The following GNB4 variants were observed in gnomAD, a reference collection of about 807,000 sequenced individuals.
GNB4 encodes guanine nucleotide-binding protein subunit beta-4.
In GNB4, 28 loss-of-function variants were observed where a neutral mutation model predicts 45.2. That is an observed-to-expected ratio of 0.62 (90% CI 0.46 to 0.85). The LOEUF is 0.85. GNB4 is among the 40% of genes least tolerant of loss of function. GNB4 has a pLI of 0.00. For synonymous variants in GNB4, 132 were observed against 143.7 expected, an observed-to-expected ratio of 0.92 and a Z score of 0.58; for missense variants, 321 against 425.4, an observed-to-expected ratio of 0.75 and a Z score of 2.16.
the GNB4 span, among the ~76,000 whole-genome samples, chr3:179,513,448 T>C: frequency 2.6e-5 from 4 of 152,174 alleles, no homozygotes; most frequent in Non-Finnish European, 4.4e-5. Flanking sequence ...CTTCCCAGAA[T>C]GTTGGGATTA....
chr3:179,432,521 C>T (rs368974073), intron 1 of GNB4, among the ~76,000 whole-genome samples: 6 of 152,168 alleles, frequency 3.9e-5, no homozygotes, highest in African/African-American at 1.2e-4. Flanking sequence ...TAAAGGCTGA[C>T]TAGGGTAAAA....
the GNB4 span, among the ~76,000 whole-genome samples, chr3:179,521,997 C>T: frequency 6.6e-6 from 1 of 152,100 alleles, no homozygotes; most frequent in Non-Finnish European, 1.5e-5. Flanking sequence ...ATTCTCTCTC[C>T]ATACCACCCC....
chr3:179,489,043 TATA>T, the GNB4 span, among the ~76,000 whole-genome samples: 3,986 of 81,296 alleles, frequency 0.049, 392 homozygotes, highest in East Asian at 0.14. Flanking sequence ...TATATATATA[TATA>T]ATATATATGT....
intron 1 of GNB4, among the ~76,000 whole-genome samples, chr3:179,445,200 T>A (rs975702350): frequency 1.3e-5 from 2 of 152,190 alleles, no homozygotes; most frequent in Non-Finnish European, 2.9e-5. Context: ...TTCATTAATT[T>A]CTCCACAGCT....
the GNB4 span, among the ~76,000 whole-genome samples, chr3:179,462,959 AAGAC>A: frequency 6.6e-6 from 1 of 152,260 alleles, no homozygotes; most frequent in Non-Finnish European, 1.5e-5. Context: ...AAAAGCAACA[AAGAC>A]AGAAGGGAGT....
At chr3:179,498,749 G>GTTTTT in the GNB4 span, among the ~76,000 whole-genome samples, 351 of 130,714 alleles carry the variant, frequency 2.7e-3, 8 homozygotes, top group East Asian at 0.026. Context: ...TTGAGGTTTG[G>GTTTTT]TTTTTTTTTT....
the GNB4 span, among the ~76,000 whole-genome samples, chr3:179,520,448 C>T: frequency 6.6e-6 from 1 of 152,104 alleles, no homozygotes; most frequent in African/African-American, 2.4e-5. Context: ...TGCCCTATAG[C>T]TTTTTTATCC....
At chr3:179,519,629 T>C in the GNB4 span, among the ~76,000 whole-genome samples, 77 of 152,276 alleles carry the variant, frequency 5.1e-4, no homozygotes, top group East Asian at 7.7e-4. Context: ...GGCCGAGACA[T>C]TTTAACTAAA....
intron 5 of GNB4, 151 bp from the exon 6 acceptor site, chr3:179,415,198 C>T (rs767064122): frequency 1.8e-6 from 1 of 543,338 alleles, no homozygotes; most frequent in South Asian, 7.3e-5. Flanking sequence ...GAAAGTGAAC[C>T]ATGAAAAATA....
At chr3:179,506,768 T>C in the GNB4 span, among the ~76,000 whole-genome samples, 2 of 152,160 alleles carry the variant, frequency 1.3e-5, no homozygotes, top group African/African-American at 4.8e-5. Context: ...TTAATACTCA[T>C]TCCTTTGTTA....
chr3:179,505,855 G>A, the GNB4 span, among the ~76,000 whole-genome samples: 1 of 152,212 alleles, frequency 6.6e-6, no homozygotes, highest in Non-Finnish European at 1.5e-5. Flanking sequence ...AGCACATGAA[G>A]CTGATCCACA....
intron 2 of GNB4, among the ~76,000 whole-genome samples, chr3:179,425,891 A>G (rs752782444): frequency 1.1e-4 from 16 of 152,262 alleles, no homozygotes; most frequent in Non-Finnish European, 4.4e-5. Flanking sequence ...GCATGTAAAT[A>G]AAAAGAGAAT....
At chr3:179,482,584 A>G in the GNB4 span, among the ~76,000 whole-genome samples, 1,352 of 152,288 alleles carry the variant, frequency 8.9e-3, 33 homozygotes, top group African/African-American at 0.031. Context: ...TAATGCCTTG[A>G]GACATTGAGG....
chr3:179,453,766 G>A (rs116209531), upstream of GNB4, among the ~76,000 whole-genome samples: 1,800 of 151,840 alleles, frequency 0.012, 24 homozygotes, highest in African/African-American at 0.042. Context: ...TACAGAAAAA[G>A]GAAAGTTTAA....
the GNB4 span, among the ~76,000 whole-genome samples, chr3:179,484,800 C>G: frequency 6.7e-6 from 1 of 150,264 alleles, no homozygotes; most frequent in Non-Finnish European, 1.5e-5. Context: ...AATCAATCAA[C>G]TATATCAACT....
chr3:179,484,464 C>T, the GNB4 span, among the ~76,000 whole-genome samples: 1 of 152,284 alleles, frequency 6.6e-6, no homozygotes, highest in Admixed American at 6.5e-5. Context: ...TGAGGCCATG[C>T]GCACAGCAGT....
At chr3:179,468,504 A>AAAAAACAAAAAAC in the GNB4 span, among the ~76,000 whole-genome samples, 1 of 150,566 alleles carries the variant, frequency 6.6e-6, no homozygotes, top group Non-Finnish European at 1.5e-5. Context: ...TCAAGAAAAA[A>AAAAAACAAAAAAC]AAAAAACAAA....
chr3:179,410,910 T>C (rs1714632242), intron 8 of GNB4, among the ~76,000 whole-genome samples: 2 of 152,326 alleles, frequency 1.3e-5, no homozygotes, highest in South Asian at 2.1e-4. Flanking sequence ...ATGTAGATGA[T>C]ATAGATAAAA....
chr3:179,431,118 C>CAATG (rs941050996), intron 1 of GNB4, among the ~76,000 whole-genome samples: 1 of 152,144 alleles, frequency 6.6e-6, no homozygotes, highest in Non-Finnish European at 1.5e-5. Context: ...ACTCTTCCAC[C>CAATG]AATGTCTTTT....
Sources: allele counts gnomAD v4.1 joint callset (sites outside exome capture counted in the v4.1 genomes callset), GRCh38; gene constraint gnomAD v4.1.1; transcripts MANE v1.5; gene names NCBI Gene and HGNC (gene_info 2026-07-23, HGNC 2026-07-21).